PIN4: variants seen among roughly 807,000 people sequenced by gnomAD.
PIN4 encodes the protein peptidyl-prolyl cis-trans isomerase NIMA-interacting 4.
Under a neutral mutation model 8.3 loss-of-function variants are expected in PIN4, and 3 were observed. The observed-to-expected ratio is 0.36, with a 90% CI of 0.16 to 0.93. The LOEUF (loss-of-function observed/expected upper bound fraction) is 0.93. Among genes scored for constraint, PIN4 ranks in the 40% least tolerant of loss-of-function variants. PIN4 has a pLI of 0.44. For missense variants in PIN4, 75 were observed against 100.6 expected, an observed-to-expected ratio of 0.75 and a Z score of 1.09; for synonymous variants, 18 against 32.5, an observed-to-expected ratio of 0.55 and a Z score of 1.52.
At chrX:72,185,749 G>A in intron 1 of PIN4, among the ~76,000 whole-genome samples, 1 of 112,580 alleles carries the variant, frequency 8.9e-6, no homozygotes, top group Admixed American at 9.4e-5. Context: ...GACATCAATA[G>A]GCAATGTAGT....
chrX:72,184,303 C>T (rs1223206005), intron 1 of PIN4, among the ~76,000 whole-genome samples: 1 of 111,544 alleles, frequency 9.0e-6, no homozygotes, highest in Non-Finnish European at 1.9e-5. Flanking sequence ...GGGAGAGGTT[C>T]TGTGAAGTTA....
chrX:72,206,761 G>A (rs777951082), intron 3 of PIN4: 2 of 1,210,937 alleles, frequency 1.7e-6, no homozygotes, highest in Non-Finnish European at 2.2e-6. Context: ...TGAGATTCCA[G>A]CTATCCCCAA....
intron 3 of PIN4, among the ~76,000 whole-genome samples, chrX:72,229,959 G>A (rs745388461): frequency 1.8e-5 from 2 of 110,538 alleles, no homozygotes; most frequent in East Asian, 5.7e-4. Flanking sequence ...TTGGGAGGCC[G>A]AGGCAGGAGA....
chrX:72,181,862 G>A, intron 1 of PIN4, 34 bp downstream of exon 1: 1 of 862,347 alleles, frequency 1.2e-6, no homozygotes, highest in Non-Finnish European at 1.7e-6. Context: ...GAGAATGGGG[G>A]CGGGTGAGGA....
intron 3 of PIN4, among the ~76,000 whole-genome samples, chrX:72,233,950 A>C (rs918432427): frequency 8.3e-5 from 9 of 108,303 alleles, no homozygotes; most frequent in African/African-American, 2.4e-4. Flanking sequence ...CCCCATACTA[A>C]AAATACAATA....
intron 3 of PIN4, among the ~76,000 whole-genome samples, chrX:72,245,612 G>A (rs1205632921): frequency 8.9e-6 from 1 of 111,840 alleles, no homozygotes; most frequent in East Asian, 2.8e-4. Flanking sequence ...GGGGAAGCAG[G>A]AAGGAGGAGG....
In PIN4 at chrX:72,237,342, CA is replaced by C. The variant is rs747623563; in HGVS notation, c.313-25357del. On this transcript the variant is annotated intron_variant, in intron 3 of 3. Transcript: ENST00000423432. ...CGAGACCCTGTCTCTACTAAAAACA[CA>C]AAAAAAATACTTTGGGAGGCCGAGG... 3.5e-4 allele frequency among the ~76,000 whole-genome samples: 38 copies of C among 110,028 alleles called. 1 individual carries two copies. The highest frequency in any genetic ancestry group is 5.5e-4 in the Non-Finnish European group (29 of 52,559).
At position 72,181,845 on chromosome X, in the gene PIN4, G is replaced by C; in HGVS notation, c.43+17G>C. 1.0e-6 allele frequency: 1 copy of C among 978,107 alleles called. No individual in the cohort carries two copies. The highest frequency in any genetic ancestry group is 3.1e-5 in the East Asian group (1 of 32,365). 80.6% of individuals were successfully genotyped at this position (978,107 alleles called of 1,213,427 possible). A position where few individuals can be genotyped will look rare whatever the true frequency, so the allele number is the denominator to read the frequency against. On this transcript the variant is annotated intron_variant, in intron 1 of 3. Coordinates refer to ENST00000373669, the MANE Select transcript of PIN4 (RefSeq NM_006223.4). ...CGGGGAAAGGTAGAGCGGCCAGAGCGATCAAGGAGAATGGGGGCGGGTGAG... is the reference window on the plus strand; with the variant it reads ...CGGGGAAAGGTAGAGCGGCCAGAGCCATCAAGGAGAATGGGGGCGGGTGAG...
intron 1 of PIN4, among the ~76,000 whole-genome samples, chrX:72,185,164 A>AAC (rs1556391332): frequency 9.6e-6 from 1 of 104,528 alleles, no homozygotes; most frequent in African/African-American, 3.4e-5. Flanking sequence ...AAAAAAAAAA[A>AAC]AACAACTTTT....
chrX:72,191,628 C>G (rs1460650249), intron 2 of PIN4, among the ~76,000 whole-genome samples: 1 of 111,963 alleles, frequency 8.9e-6, no homozygotes, highest in Non-Finnish European at 1.9e-5. Context: ...AAACACTCAT[C>G]TAGTCTCACA....
rs764262143 is a variant in PIN4, at chrX:72,261,269, T to C, written c.313-1438T>C. Reference sequence around the variant, plus strand: ...CGAGACGTGCCATTGCACTCCAGCTTGGGTGACAGAGGGAGACTCCGTCTC... The same window carrying C: ...CGAGACGTGCCATTGCACTCCAGCTCGGGTGACAGAGGGAGACTCCGTCTC... On this transcript the variant is annotated intron_variant, in intron 3 of 3. Transcript: ENST00000423432. 5.2e-5 allele frequency among the ~76,000 whole-genome samples: 5 copies of C among 95,707 alleles called. No homozygotes were observed. The East Asian group carries it at 1.5e-3, about 29-fold the overall frequency. The allele number at this position is 95,707 out of a possible 115,157, so 83.1% of individuals were successfully genotyped here.
intron 3 of PIN4, among the ~76,000 whole-genome samples, chrX:72,256,221 A>C (rs1380727901): frequency 8.9e-6 from 1 of 112,524 alleles, no homozygotes; most frequent in African/African-American, 3.2e-5. Flanking sequence ...CATTTTTAAA[A>C]AATAGCCAAA....
chrX:72,230,966 A>C (rs1463965455), intron 3 of PIN4, among the ~76,000 whole-genome samples: 1 of 111,994 alleles, frequency 8.9e-6, no homozygotes, highest in Non-Finnish European at 1.9e-5. Context: ...CCCTGTCTCT[A>C]AATAAATAAA....
intron 3 of PIN4, among the ~76,000 whole-genome samples, chrX:72,258,302 T>C (rs948770056): frequency 2.7e-5 from 3 of 111,977 alleles, no homozygotes; most frequent in Non-Finnish European, 3.8e-5. Context: ...GTCATAACTA[T>C]GGCACACAAA....
rs766548767 is a variant in PIN4 at position 72,205,353 on chromosome X, G to A, written c.312+8449G>A. On this transcript the variant is annotated intron_variant, in intron 3 of 3. Transcript: ENST00000423432. The stretch of plus-strand genomic sequence containing the variant: ...AAGGATCCTCTTCTGTATACTTGGA[G>A]GCTTCGCCACTGCTTTCCTCCACCC... 15 of 1,210,426 alleles carry A rather than the reference G, an allele frequency of 1.2e-5. No homozygotes were observed. In the Admixed American group the frequency reaches 2.2e-4, roughly 18 times the overall value.
intron 3 of PIN4, chrX:72,207,467 C>T: frequency 8.3e-7 from 1 of 1,210,798 alleles, no homozygotes; most frequent in Non-Finnish European, 1.1e-6. Flanking sequence ...TCATTTCCAT[C>T]TTGAGCAGAG....
intron 3 of PIN4, among the ~76,000 whole-genome samples, chrX:72,235,727 G>A (rs1174372567): frequency 1.9e-4 from 21 of 111,435 alleles, no homozygotes; most frequent in Non-Finnish European, 4.0e-4. Flanking sequence ...TGATTACACT[G>A]GGCTCACCCA....
At chrX:72,230,335 G>A (rs748349133) in intron 3 of PIN4, among the ~76,000 whole-genome samples, 8 of 109,899 alleles carry the variant, frequency 7.3e-5, no homozygotes, top group Non-Finnish European at 7.6e-5. Flanking sequence ...GAGATAACCC[G>A]CCTTGGCTGG....
chrX:72,191,001 T>C (rs1184351781), intron 2 of PIN4, among the ~76,000 whole-genome samples: 1 of 105,590 alleles, frequency 9.5e-6, no homozygotes, highest in African/African-American at 3.5e-5. Context: ...TACTGGAAAG[T>C]CACACAGCCT....
Sources: gnomAD v4.1 joint callset for allele counts (sites outside exome capture counted in the v4.1 genomes callset) on GRCh38, gnomAD v4.1.1 for gene constraint, MANE v1.5 for transcripts, NCBI Gene and HGNC (gene_info 2026-07-23, HGNC 2026-07-21) for gene names.